Variants in SHANK2 observed in about 807,000 individuals in gnomAD.
SHANK2 encodes SH3 and multiple ankyrin repeat domains 2.
A neutral mutation model predicts 133.7 loss-of-function variants in SHANK2; 43 were observed. That is an observed-to-expected ratio of 0.32 (90% CI 0.25 to 0.41). The LOEUF (loss-of-function observed/expected upper bound fraction) is 0.41. Ranked by LOEUF, SHANK2 falls within the 10% of genes least tolerant of loss-of-function variation. SHANK2 has a pLI of 1.00. For missense variants in SHANK2, 1,994 were observed against 2,235.8 expected, an observed-to-expected ratio of 0.89 and a Z score of 2.18; for synonymous variants, 1,017 against 952.8, an observed-to-expected ratio of 1.07 and a Z score of -1.24.
At chr11:70,766,834 G>A (rs1242314719) in intron 14 of SHANK2, among the ~76,000 whole-genome samples, 1 of 152,204 alleles carries the variant, frequency 6.6e-6, no homozygotes, top group Non-Finnish European at 1.5e-5. Context: ...GGAAAAGTAG[G>A]CTGCTGGAAG....
chr11:70,583,815 A>G (rs1230512575), intron 17 of SHANK2, among the ~76,000 whole-genome samples: 1 of 152,012 alleles, frequency 6.6e-6, no homozygotes, highest in Non-Finnish European at 1.5e-5. Context: ...CCATCACCCC[A>G]CGGTATAACG....
chr11:70,539,191 G>A lies in SHANK2; in HGVS notation c.2062-36260C>T, dbSNP rs550106663. Among the ~76,000 whole-genome samples, 195 of 152,298 alleles carry A rather than the reference G, an allele frequency of 1.3e-3. 2 individuals are homozygous for A. The highest frequency in any genetic ancestry group is 6.8e-3 in the Middle Eastern group (2 of 294). ...AGAGGGAGAGGCCGGATGGCAGAGCGTGCACGGCCGACCCCAGGATGCAAC... is the reference window on the plus strand; with the variant it reads ...AGAGGGAGAGGCCGGATGGCAGAGCATGCACGGCCGACCCCAGGATGCAAC... On this transcript the variant is annotated intron_variant, in intron 17 of 25. Transcript: ENST00000601538.
intron 9 of SHANK2, among the ~76,000 whole-genome samples, chr11:71,065,072 G>C (rs1360330248): frequency 6.6e-6 from 1 of 152,164 alleles, no homozygotes; most frequent in Non-Finnish European, 1.5e-5. Context: ...ACGTTGAGCT[G>C]GATGGGGACA....
chr11:71,166,283 G>A (rs1370476016), intron 2 of SHANK2, among the ~76,000 whole-genome samples: 1 of 152,204 alleles, frequency 6.6e-6, no homozygotes, highest in Non-Finnish European at 1.5e-5. Flanking sequence ...CCAGAGACGG[G>A]CAGACAGGAC....
chr11:70,826,733 A>G, intron 11 of SHANK2: 1 of 320,398 alleles, frequency 3.1e-6, no homozygotes, highest in Non-Finnish European at 6.3e-6. Context: ...AACTGCACGT[A>G]GACGGGCTGC....
intron 3 of SHANK2, among the ~76,000 whole-genome samples, chr11:71,133,280 G>GGATA (rs1952359865): frequency 6.6e-6 from 1 of 150,766 alleles, no homozygotes; most frequent in African/African-American, 2.4e-5. Context: ...ATGGATGGAT[G>GGATA]GCCGGCCGGA....
At chr11:70,497,868 G>A (rs1399129796) in intron 21 of SHANK2, among the ~76,000 whole-genome samples, 1 of 152,240 alleles carries the variant, frequency 6.6e-6, no homozygotes, top group Admixed American at 6.5e-5. Flanking sequence ...AATAGGCTCT[G>A]CACTGAAGTG....
Position 70,809,362 on chromosome 11 carries a change from T to C in SHANK2, c.1494-2191A>G, listed in dbSNP as rs191159364. On this transcript the variant is annotated intron_variant, in intron 12 of 25. Transcript: ENST00000601538. ...AAGGGCCCATGCACACAGGGACCCA[T>C]GCAAAACAGGCTTGCAGGGAAAGTT... Among the ~76,000 whole-genome samples, 279 of 152,324 alleles carry C rather than the reference T, an allele frequency of 1.8e-3. 3 individuals carry two copies. Among genetic ancestry groups the C allele is most frequent in the Non-Finnish European group, 1.4e-3 (94 of 68,026 alleles).
At chr11:70,939,879 G>A (rs1418414524) in intron 10 of SHANK2, among the ~76,000 whole-genome samples, 1 of 152,142 alleles carries the variant, frequency 6.6e-6, no homozygotes, top group East Asian at 1.9e-4. Context: ...GACTATCCTG[G>A]ATCATCCAGG....
intron 11 of SHANK2, among the ~76,000 whole-genome samples, chr11:70,878,229 A>T (rs1949601338): frequency 6.6e-6 from 1 of 152,216 alleles, no homozygotes; most frequent in African/African-American, 2.4e-5. Context: ...GCTGGGATGC[A>T]GATGAATATT....
intron 2 of SHANK2, among the ~76,000 whole-genome samples, chr11:71,163,309 T>C (rs1953066368): frequency 6.6e-6 from 1 of 152,078 alleles, no homozygotes; most frequent in Admixed American, 6.6e-5. Flanking sequence ...ATAAAAACTT[T>C]AGAAATTAGA....
chr11:70,674,460 G>A (rs1273641654), intron 15 of SHANK2, among the ~76,000 whole-genome samples: 1 of 151,722 alleles, frequency 6.6e-6, no homozygotes, highest in Non-Finnish European at 1.5e-5. Flanking sequence ...GTGATTCTCT[G>A]ACCTCAGCCT....
rs34882683 is a variant in SHANK2, at chr11:71,164,011, C to T, written c.-12-16673G>A. Among the ~76,000 whole-genome samples the T allele has an allele frequency of 6.6e-5, 10 of 152,300 alleles. No individual in the cohort carries two copies. The East Asian group carries it at 1.7e-3, about 26-fold the overall frequency. ...TTTGTAGTCTGTCTGCTCTAACAAA[C>T]CTGTTGCACTTAGGATCTAAAAGGA... On this transcript the variant is annotated intron_variant, in intron 2 of 25. Coordinates refer to ENST00000601538, the MANE Select transcript of SHANK2 (RefSeq NM_012309.5).
intron 17 of SHANK2, among the ~76,000 whole-genome samples, chr11:70,517,412 C>T (rs534546150): frequency 3.9e-5 from 6 of 152,270 alleles, no homozygotes; most frequent in Admixed American, 2.0e-4. Context: ...ACCTGTATGC[C>T]GAGGTTTAGA....
intron 2 of SHANK2, among the ~76,000 whole-genome samples, chr11:71,157,460 G>C (rs1952927480): frequency 6.6e-6 from 1 of 152,134 alleles, no homozygotes. Context: ...CATTCATGTG[G>C]AAGTGTGCCG....
At chr11:70,608,711 A>T (rs2060614003) in intron 17 of SHANK2, among the ~76,000 whole-genome samples, 1 of 152,184 alleles carries the variant, frequency 6.6e-6, no homozygotes, top group Non-Finnish European at 1.5e-5. Flanking sequence ...GGTGAGGGCC[A>T]CGGGCTCCCG....
In SHANK2 at chr11:71,204,785, G is replaced by A. The variant is rs140661667; in HGVS notation, c.-13+19912C>T. On this transcript the variant is annotated intron_variant, in intron 2 of 25. Transcript: ENST00000601538. ...GTGATGAGGGCCACCCTGGAGCCAC[G>A]CCAGACAAGTCCTGGGAAGGGGGCA... Among the ~76,000 whole-genome samples, 508 of 152,258 alleles carry A rather than the reference G, an allele frequency of 3.3e-3. 6 individuals carry two copies. The highest frequency in any genetic ancestry group is 0.011 in the African/African-American group (444 of 41,544).
At chr11:70,559,086 T>A (rs537434798) in intron 17 of SHANK2, among the ~76,000 whole-genome samples, 1 of 151,942 alleles carries the variant, frequency 6.6e-6, no homozygotes, top group East Asian at 1.9e-4. Flanking sequence ...TGGTGTGATC[T>A]CGGCTCACTG....
At chr11:70,502,978 G>A in intron 17 of SHANK2, 47 bp from the exon 18 acceptor site, 1 of 1,610,076 alleles carries the variant, frequency 6.2e-7, no homozygotes, top group South Asian at 1.1e-5. Flanking sequence ...CAGCGGAGAG[G>A]AAGACAGTTG....
Sources: allele counts gnomAD v4.1 joint callset (sites outside exome capture counted in the v4.1 genomes callset), GRCh38; gene constraint gnomAD v4.1.1; transcripts MANE v1.5; gene names NCBI Gene and HGNC (gene_info 2026-07-23, HGNC 2026-07-21).